Variants in PELP1 observed in about 807,000 individuals in gnomAD.
PELP1 encodes the protein proline, glutamate and leucine rich protein 1.
Under a neutral mutation model 95.5 loss-of-function variants are expected in PELP1, and 32 were observed. The observed-to-expected ratio is 0.34, with a 90% CI of 0.25 to 0.45. The LOEUF (loss-of-function observed/expected upper bound fraction) is 0.45. PELP1 is among the 20% of genes least tolerant of loss of function. The pLI is 1.00. For synonymous variants in PELP1, 668 were observed against 600.1 expected, an observed-to-expected ratio of 1.11 and a Z score of -1.65; for missense variants, 1,358 against 1,444.8, an observed-to-expected ratio of 0.94 and a Z score of 0.97.
In PELP1 at chr17:4,673,851, T is replaced by TGA. The variant is rs1912341819; in HGVS notation, c.1583-179_1583-178dup. On this transcript the variant is annotated intron_variant, in intron 13 of 16. Coordinates refer to ENST00000572293, the MANE Select transcript of PELP1 (RefSeq NM_014389.3). This position sits in a 1 kb window ranked among gnomAD's most constrained non-coding sequence, Gnocchi z 5.7. ...AAGTACCTCTACTGTATAGGGCCAC[T>TGA]GACGGTATTTAATTGAGACAATGTA... 1.7e-6 allele frequency: 1 copy of TGA among 599,824 alleles called. No individual in the cohort carries two copies. The allele number at this position is 599,824 out of a possible 1,614,324, so 37.2% of individuals were successfully genotyped here.
In PELP1 at chr17:4,671,120, G is replaced by A. The variant is rs1301769973; in HGVS notation, c.*319C>T. ...CACCCCGAATACAAACACGAAAGCA[G>A]GGCTGTGTCTCTATAACTCCTCATT... On this transcript the variant is annotated 3_prime_UTR_variant, in exon 17 of 17. Coordinates refer to ENST00000572293, the MANE Select transcript of PELP1 (RefSeq NM_014389.3). 2.7e-6 allele frequency: 1 copy of A among 364,908 alleles called. No individual in the cohort carries two copies. The highest frequency in any genetic ancestry group is 2.1e-5 in the African/African-American group (1 of 47,990). 22.6% of individuals were successfully genotyped at this position (364,908 alleles called of 1,614,324 possible).
At chr17:4,699,641 C>T (rs1220174699) in intron 1 of PELP1, among the ~76,000 whole-genome samples, 1 of 152,098 alleles carries the variant, frequency 6.6e-6, no homozygotes, top group Admixed American at 6.6e-5. Context: ...GGCCAGAGTT[C>T]GCAGGCGCAA....
At chr17:4,685,544 CTT>C (rs2150560012) in intron 3 of PELP1, among the ~76,000 whole-genome samples, 2 of 152,232 alleles carry the variant, frequency 1.3e-5, no homozygotes, top group South Asian at 2.1e-4. Context: ...AATCCCAACA[CTT>C]TGGGAGGCCA....
chr17:4,700,992 T>TAAAAAAAAAAAAAAAAAAAAAAAACAA (rs34278447), intron 1 of PELP1, among the ~76,000 whole-genome samples: 2 of 29,410 alleles, frequency 6.8e-5, no homozygotes, highest in African/African-American at 1.5e-4. Flanking sequence ...AAAGTTCCAC[T>TAAAAAAAAAAAAAAAAAAAAAAAACAA]AAAAAAAAAA....
chr17:4,676,791 GA>G lies in PELP1; in HGVS notation c.663del (p.Leu222CysfsTer7). 6.4e-7 allele frequency: 1 copy of G among 1,569,180 alleles called. No homozygotes were observed. Among genetic ancestry groups the G allele is most frequent in the Admixed American group, 1.9e-5 (1 of 53,512 alleles). The stretch of plus-strand genomic sequence containing the variant: ...GGGCTCAAGGCATCCACCCTAGACA[GA>G]AAAAATGAGGCCAGCTTGCCCTGGA... ...GSLKGKLASF[F>X]LSRVDALSPQ... On this transcript the variant is annotated frameshift_variant, in exon 6 of 17. Coordinates refer to ENST00000572293, the MANE Select transcript of PELP1 (RefSeq NM_014389.3). LOFTEE classifies it high-confidence loss of function.
intron 3 of PELP1, among the ~76,000 whole-genome samples, chr17:4,686,330 C>T (rs540664761): frequency 6.6e-6 from 1 of 152,304 alleles, no homozygotes; most frequent in Admixed American, 6.5e-5. Flanking sequence ...CTATCCTCAG[C>T]ATCTGCCACT....
rs375007655 is a variant in PELP1, at chr17:4,673,548, G to A, written c.1638+71C>T. 1.3e-6 allele frequency: 2 copies of A among 1,574,594 alleles called. No individual in the cohort carries two copies. Among genetic ancestry groups the A allele is most frequent in the African/African-American group, 2.7e-5 (2 of 74,084 alleles). On this transcript the variant is annotated intron_variant, in intron 14 of 16. Transcript: ENST00000572293. The surrounding 1 kb of genome is among the most constrained non-coding windows in gnomAD (Gnocchi z 5.7). ...CCAGGTCGGAATGGACCCACCTCTGGGCCACACCCCCCAATGTGTACAGAG... is the reference window on the plus strand; with the variant it reads ...CCAGGTCGGAATGGACCCACCTCTGAGCCACACCCCCCAATGTGTACAGAG...
intron 3 of PELP1, 190 bp from the exon 4 acceptor site, chr17:4,683,142 T>C: frequency 1.7e-6 from 2 of 1,193,438 alleles, no homozygotes; most frequent in South Asian, 8.0e-5. Flanking sequence ...TACGGGTATC[T>C]GGGGTCCTAG....
In PELP1 at chr17:4,703,904, T is replaced by A. The variant is rs780445565; in HGVS notation, c.208A>T (p.Met70Leu). 1.2e-6 allele frequency: 2 copies of A among 1,613,276 alleles called. No homozygotes were observed. The highest frequency in any genetic ancestry group is 2.2e-5 in the East Asian group (1 of 44,890). The part of the protein sequence containing the change: ...NRSAPHLPGL[M>L]CLLRLHGSVG... ...GACCCATGCAGCCGCAATAGGCACA[T>A]GAGCCCGGGCAAATGTGGGGCCGAG... The change falls in exon 1 of 17, where the codon ATG becomes TTG. Residue 70 changes from methionine (M) to leucine (L), a missense_variant. Physicochemically the swap from Met to Leu is conservative, Grantham distance 15. Transcript: ENST00000572293.
At chr17:4,685,072 C>A (rs1435954224) in intron 3 of PELP1, among the ~76,000 whole-genome samples, 1 of 152,190 alleles carries the variant, frequency 6.6e-6, no homozygotes, top group Non-Finnish European at 1.5e-5. Flanking sequence ...TAGAGCCCAG[C>A]ATCTCGAAAA....
Position 4,672,147 on chromosome 17 carries a change from C to T in PELP1, c.2844G>A (p.Glu948=), listed in dbSNP as rs1912233890. Residue 948 remains glutamate (E), a synonymous_variant, in exon 16 of 17, where the codon GAG becomes GAA. Transcript: ENST00000572293. ...EEGELEEEEE[E]EDEEEEEELE... is the part of the protein sequence containing the mutation. Reference sequence around the variant, plus strand: ...GTTCTTCTTCCTCCTCCTCATCCTCCTCTTCTTCTTCTTCCTCTAACTCAC... The same window carrying T: ...GTTCTTCTTCCTCCTCCTCATCCTCTTCTTCTTCTTCTTCCTCTAACTCAC... The T allele has an allele frequency of 1.2e-5, 19 of 1,548,406 alleles. No homozygotes were observed. Among genetic ancestry groups the T allele is most frequent in the South Asian group, 2.4e-5 (2 of 84,064 alleles).
chr17:4,691,244 T>C (rs977388750), intron 2 of PELP1, 134 bp downstream of exon 2: 8 of 721,708 alleles, frequency 1.1e-5, no homozygotes, highest in Admixed American at 2.6e-5. Flanking sequence ...ACAAAAGGAA[T>C]GTAACTCTCC....
rs760346696 is a variant in PELP1 at position 4,703,941 on chromosome 17, A to C, written c.171T>G (p.His57Gln). 6.2e-7 allele frequency: 1 copy of C among 1,613,518 alleles called. No homozygotes were observed. ...AATGTGGGGCCGAGCGGTTTGGGGGATGCACCGGAGCAACGGCAGACCCCG... is the reference window on the plus strand; with the variant it reads ...AATGTGGGGCCGAGCGGTTTGGGGGCTGCACCGGAGCAACGGCAGACCCCG... ...PRTGSAVAPV[H>Q]PPNRSAPHLP... The change falls in exon 1 of 17, where the codon CAT (histidine) becomes CAG (glutamine). Residue 57 changes from histidine to glutamine, a missense_variant. This residue lies in a region of PELP1 where 169 missense variants were observed against 134.9 expected (regional missense o/e 1.25). Coordinates refer to ENST00000572293, the MANE Select transcript of PELP1 (RefSeq NM_014389.3).
intron 1 of PELP1, among the ~76,000 whole-genome samples, chr17:4,693,103 C>T (rs761236382): frequency 1.2e-4 from 19 of 152,156 alleles, no homozygotes; most frequent in South Asian, 2.1e-4. Flanking sequence ...TATAAAATGG[C>T]GCAGCCACTC....
Position 4,671,742 on chromosome 17 carries a change from AG to A in PELP1, c.3248del (p.Pro1083LeufsTer60). ...TCTCTGTCTCCATCTCTTCTTCTGC[AG>A]GTGTCTCTGGTGGGGGCTGCACCTT... is the stretch of plus-strand genomic sequence containing the variant. ...SDKVQPPPETPAEEEMETETE... is the reference protein window; with the variant it reads ...SDKVQPPPETXAEEEMETETE... On this transcript the variant is annotated frameshift_variant, in exon 16 of 17. Coordinates refer to ENST00000572293, the MANE Select transcript of PELP1 (RefSeq NM_014389.3). LOFTEE classifies it high-confidence loss of function. 6.5e-7 allele frequency: 1 copy of A among 1,531,508 alleles called. No homozygotes were observed. The highest frequency in any genetic ancestry group is 8.7e-7 in the Non-Finnish European group (1 of 1,144,680). The allele number at this position is 1,531,508 out of a possible 1,614,324, so 94.9% of individuals were successfully genotyped here. A position where few individuals can be genotyped will look rare whatever the true frequency, so the allele number is the denominator to read the frequency against.
chr17:4,683,264 A>C (rs1349827514), intron 3 of PELP1, among the ~76,000 whole-genome samples: 1 of 147,236 alleles, frequency 6.8e-6, no homozygotes, highest in Middle Eastern at 3.4e-3. Context: ...TCTGTCACCC[A>C]GGCTGGAGTG....
chr17:4,674,928 A>G lies in PELP1; in HGVS notation c.1303T>C (p.Leu435=), dbSNP rs1333852431. ...STVRTKVYAI[L]ELWVQVCGAS... ...CCACAAACCTGCACCCACAGCTCTA[A>G]TATCGCATACACCTTGGTCCGAACC... is the stretch of plus-strand genomic sequence containing the variant. Residue 435 remains leucine (L), a synonymous_variant, in exon 12 of 17, where the codon TTA becomes CTA. Transcript: ENST00000572293. The G allele has an allele frequency of 1.5e-5, 24 of 1,613,252 alleles. No homozygotes were observed. Among genetic ancestry groups the G allele is most frequent in the Non-Finnish European group, 1.9e-5 (22 of 1,179,522 alleles).
Position 4,676,352 on chromosome 17 carries a change from C to T in PELP1, c.853+5G>A. 1 of 1,612,702 alleles carries T rather than the reference C, an allele frequency of 6.2e-7. No individual in the cohort carries two copies. On this transcript the variant is annotated splice_donor_5th_base_variant and intron_variant, in intron 7 of 16. Coordinates refer to ENST00000572293, the MANE Select transcript of PELP1 (RefSeq NM_014389.3). ...GTTCCACTAACTAGCAGCCCTGGTC[C>T]CTACCAGTCTCTGCTCCCTCGTACA... is the stretch of plus-strand genomic sequence containing the variant.
intron 1 of PELP1, among the ~76,000 whole-genome samples, chr17:4,700,689 C>A (rs1913487981): frequency 6.6e-6 from 1 of 151,842 alleles, no homozygotes; most frequent in Non-Finnish European, 1.5e-5. Flanking sequence ...TTTTGGGGGG[C>A]CAAGGCGGGA....
Sources: gnomAD v4.1 joint callset for allele counts (sites outside exome capture counted in the v4.1 genomes callset) on GRCh38, gnomAD v4.1.1 for gene constraint, gnomAD v4.1.1 regional missense constraint, Gnocchi (gnomAD v3.1) non-coding constraint, MANE v1.5 for transcripts, NCBI Gene and HGNC (gene_info 2026-07-23, HGNC 2026-07-21) for gene names.